The following AGBL3 variants were observed in gnomAD, a reference collection of about 807,000 sequenced individuals.
AGBL3 encodes AGBL carboxypeptidase 3, also known as cytosolic carboxypeptidase 3.
AGBL3 carries 68 observed loss-of-function variants against 94.5 expected under a neutral mutation model. That is an observed-to-expected ratio of 0.72 (90% confidence interval 0.59 to 0.88). AGBL3 has a LOEUF of 0.88. Among genes scored for constraint, AGBL3 ranks in the 40% least tolerant of loss-of-function variants. The probability of loss-of-function intolerance (pLI) is 0.00; values close to 1 mark genes in which losing one functional copy is unlikely to be tolerated. For missense variants in AGBL3, 934 were observed against 1,103.8 expected (o/e 0.85, Z 2.18); for synonymous variants, 354 against 370.7 (o/e 0.95, Z 0.52).
At chr7:134,992,853 A>C (rs1810469299) in intron 3 of AGBL3, among the ~76,000 whole-genome samples, 1 of 152,234 alleles carries the variant, frequency 6.6e-6, no homozygotes, top group Non-Finnish European at 1.5e-5. Context: ...GGAGTCAGTG[A>C]GACAAATGGA....
At chr7:135,049,291 C>A (rs759919005) in intron 11 of AGBL3, among the ~76,000 whole-genome samples, 3 of 151,832 alleles carry the variant, frequency 2.0e-5, no homozygotes, top group African/African-American at 4.8e-5. Context: ...TCATGGTGGG[C>A]AATCCTTTTA....
At chr7:135,071,859 C>T (rs541976859) in intron 12 of AGBL3, among the ~76,000 whole-genome samples, 39 of 152,256 alleles carry the variant, frequency 2.6e-4, no homozygotes, top group South Asian at 2.5e-3. Flanking sequence ...TGGGCAAGGA[C>T]TTCATGTCTA....
intron 12 of AGBL3, among the ~76,000 whole-genome samples, chr7:135,064,678 G>C (rs1455927113): frequency 2.6e-5 from 4 of 152,208 alleles, no homozygotes; most frequent in Admixed American, 2.6e-4. Context: ...GTGGTCTCCA[G>C]AATTTGGGAC....
At chr7:135,032,334 T>C (rs1815835113) in intron 5 of AGBL3, among the ~76,000 whole-genome samples, 1 of 152,062 alleles carries the variant, frequency 6.6e-6, no homozygotes, top group Non-Finnish European at 1.5e-5. Flanking sequence ...AGACAGAGTC[T>C]CACTCTGTCG....
At chr7:135,061,947 T>C (rs551736893) in intron 12 of AGBL3, among the ~76,000 whole-genome samples, 5 of 152,234 alleles carry the variant, frequency 3.3e-5, no homozygotes, top group East Asian at 1.9e-4. Context: ...AGAGATTGTA[T>C]TGAATCTGTA....
intron 4 of AGBL3, among the ~76,000 whole-genome samples, chr7:135,014,517 A>G (rs1284032630): frequency 6.6e-6 from 1 of 152,218 alleles, no homozygotes; most frequent in East Asian, 1.9e-4. Context: ...CACAGTAGCC[A>G]AGTGAAAAAA....
Position 135,034,439 on chromosome 7 carries a change from C to G in AGBL3, c.848C>G (p.Thr283Arg), listed in dbSNP as rs566592424. 1.9e-6 allele frequency: 3 copies of G among 1,551,768 alleles called. No individual in the cohort carries two copies. The highest frequency in any genetic ancestry group is 2.6e-6 in the Non-Finnish European group (3 of 1,147,002). The stretch of plus-strand genomic sequence containing the variant: ...CGCCATTATTTCTCTCTTACATGGA[C>G]ATTTCAATTTCCACACAACAAAGAT... ...DGRHYFSLTWTFQFPHNKDTC... is the reference protein window; with the variant it reads ...DGRHYFSLTWRFQFPHNKDTC... Residue 283 changes from threonine to arginine, a missense_variant, in exon 7 of 17, where the codon ACA becomes AGA. This residue lies in a region of AGBL3 where 488 missense variants were observed against 563.6 expected (regional missense o/e 0.87). Coordinates refer to ENST00000436302, the MANE Select transcript of AGBL3 (RefSeq NM_178563.4).
intron 15 of AGBL3, among the ~76,000 whole-genome samples, chr7:135,098,862 A>T (rs1823327804): frequency 6.6e-6 from 1 of 152,210 alleles, no homozygotes; most frequent in Non-Finnish European, 1.5e-5. Flanking sequence ...GGTCTTATCT[A>T]TAACCTAAGA....
At chr7:135,040,206 C>T (rs1816710941) in intron 8 of AGBL3, among the ~76,000 whole-genome samples, 1 of 152,050 alleles carries the variant, frequency 6.6e-6, no homozygotes, top group Non-Finnish European at 1.5e-5. Context: ...AAAGAAACTC[C>T]AGAAAACAAA....
chr7:135,018,689 A>C (rs1814085870), intron 5 of AGBL3, among the ~76,000 whole-genome samples: 1 of 152,208 alleles, frequency 6.6e-6, no homozygotes, highest in Non-Finnish European at 1.5e-5. Context: ...TACAAATGAC[A>C]AAAAAGAAGA....
At chr7:135,076,784 G>T (rs756301662) in intron 13 of AGBL3, among the ~76,000 whole-genome samples, 2 of 122,266 alleles carry the variant, frequency 1.6e-5, no homozygotes, top group African/African-American at 2.7e-5. Context: ...GAATATAAGG[G>T]TATAAAAATA....
intron 12 of AGBL3, among the ~76,000 whole-genome samples, chr7:135,075,116 A>AT (rs1820328159): frequency 6.6e-6 from 1 of 152,186 alleles, no homozygotes; most frequent in Non-Finnish European, 1.5e-5. Context: ...TTACAGTGCC[A>AT]TGTTACAATA....
chr7:135,041,752 A>G (rs1816882619), intron 8 of AGBL3, among the ~76,000 whole-genome samples: 1 of 152,180 alleles, frequency 6.6e-6, no homozygotes, highest in African/African-American at 2.4e-5. Flanking sequence ...TGCTAAGCGA[A>G]TACAAAGATA....
intron 6 of AGBL3, among the ~76,000 whole-genome samples, chr7:135,033,728 C>A (rs1277368305): frequency 1.3e-5 from 2 of 152,188 alleles, no homozygotes; most frequent in East Asian, 1.9e-4. Flanking sequence ...GTGTTTAAAT[C>A]TCTCAGTGAT....
chr7:135,044,864 TCCCCCCA>T (rs1817206488), intron 9 of AGBL3, among the ~76,000 whole-genome samples: 1 of 26,806 alleles, frequency 3.7e-5, no homozygotes, highest in Non-Finnish European at 7.1e-5. Flanking sequence ...CCCTCCCCCC[TCCCCCCA>T]CCCCACAACA....
At position 135,111,569 on chromosome 7, in the gene AGBL3, C is replaced by T. The variant is rs116369038; in HGVS notation, c.2111-3811C>T. 2.3e-3 allele frequency among the ~76,000 whole-genome samples: 345 copies of T among 151,650 alleles called. 1 individual carries two copies. The highest frequency in any genetic ancestry group is 7.6e-3 in the African/African-American group (314 of 41,330). ...CCAAGACTTATCCTAATGTTGTACA[C>T]GTCTGTTTTTTGGTCTTTAATAACA... On this transcript the variant is annotated intron_variant, in intron 15 of 16. Transcript: ENST00000436302.
In AGBL3 at chr7:134,993,557, G is replaced by T. The variant is rs941415156; in HGVS notation, c.189G>T (p.Gly63=). ...AGATACTATTAGAATATCAGCTAGG[G>T]AGATGGGTGCCACGTCTTCGTGAAC... ...TTQILLEYQL[G]RWVPRLREPR... Residue 63 remains glycine, a synonymous_variant, in exon 4 of 17, where the codon GGG becomes GGT. Transcript: ENST00000436302. 6.4e-7 allele frequency: 1 copy of T among 1,551,688 alleles called. No homozygotes were observed. The highest frequency in any genetic ancestry group is 2.0e-5 in the Admixed American group (1 of 50,980).
At chr7:135,105,280 G>C (rs1824509429) in intron 15 of AGBL3, among the ~76,000 whole-genome samples, 1 of 152,200 alleles carries the variant, frequency 6.6e-6, no homozygotes, top group African/African-American at 2.4e-5. Context: ...ATGTTGGCCA[G>C]GCTGGTCTTG....
At chr7:135,056,164 C>G (rs898548157) in intron 11 of AGBL3, among the ~76,000 whole-genome samples, 5 of 151,996 alleles carry the variant, frequency 3.3e-5, no homozygotes, top group Admixed American at 3.3e-4. Context: ...CTTGGTTAAC[C>G]TGGCCAGGGA....
Sources: allele counts gnomAD v4.1 joint callset (sites outside exome capture counted in the v4.1 genomes callset), GRCh38; gene constraint gnomAD v4.1.1; regional missense constraint gnomAD v4.1.1; transcripts MANE v1.5; gene names NCBI Gene and HGNC (gene_info 2026-07-23, HGNC 2026-07-21).